Variants in CDC14A observed in about 807,000 individuals in gnomAD.
The protein encoded by CDC14A is cell division cycle 14A, also known as dual specificity protein phosphatase CDC14A.
In CDC14A, 53 loss-of-function variants were observed where a neutral mutation model predicts 74.4. The ratio of observed to expected loss-of-function variants is 0.71; its 90% CI spans 0.57 to 0.89. CDC14A has a LOEUF of 0.89. Among genes scored for constraint, CDC14A ranks in the 40% least tolerant of loss-of-function variants. The pLI is 0.00. For synonymous variants in CDC14A, 247 were observed against 258.4 expected (o/e 0.96, Z 0.43); for missense variants, 646 against 713.7 (o/e 0.91, Z 1.08).
At chr1:100,498,770 A>G (rs1463957642) in intron 14 of CDC14A, among the ~76,000 whole-genome samples, 159 bp from the exon 15 acceptor site, 1 of 152,194 alleles carries the variant, frequency 6.6e-6, no homozygotes, top group Non-Finnish European at 1.5e-5. Context: ...TCATAACACC[A>G]AGGGTGATGA....
At chr1:100,425,569 G>A (rs1662858393) in intron 5 of CDC14A, among the ~76,000 whole-genome samples, 1 of 152,124 alleles carries the variant, frequency 6.6e-6, no homozygotes, top group African/African-American at 2.4e-5. Flanking sequence ...CATGGGGAGG[G>A]AAGAAGCAAC....
At chr1:100,436,421 A>ATT (rs1168207537) in intron 5 of CDC14A, among the ~76,000 whole-genome samples, 1 of 144,318 alleles carries the variant, frequency 6.9e-6, no homozygotes. Context: ...GTTGGTTATC[A>ATT]TTTTTTTTTT....
intron 4 of CDC14A, among the ~76,000 whole-genome samples, chr1:100,409,208 G>T (rs928675902): frequency 3.3e-5 from 5 of 152,124 alleles, no homozygotes; most frequent in Admixed American, 6.5e-5. Context: ...GATCTCATGA[G>T]ATTCATTCAC....
In CDC14A at chr1:100,487,934, T is replaced by A. The variant is rs1352092587; in HGVS notation, c.1137+3483T>A. 2.6e-5 allele frequency among the ~76,000 whole-genome samples: 4 copies of A among 152,172 alleles called. No individual in the cohort carries two copies. In the South Asian group the frequency reaches 8.3e-4, roughly 31 times the overall value. Reference sequence around the variant, plus strand: ...AGGCAGAGACTTTTATTTGTCTTCATCATGATTCTGTTTTTGGCAAAAGGC... The same window carrying A: ...AGGCAGAGACTTTTATTTGTCTTCAACATGATTCTGTTTTTGGCAAAAGGC... On this transcript the variant is annotated intron_variant, in intron 11 of 15. Transcript: ENST00000336454.
At chr1:100,368,034 A>T (rs1265249928) in intron 2 of CDC14A, among the ~76,000 whole-genome samples, 1 of 152,232 alleles carries the variant, frequency 6.6e-6, no homozygotes, top group Non-Finnish European at 1.5e-5. Flanking sequence ...AAAACAGGAT[A>T]AAAATTACCA....
At chr1:100,429,384 T>G (rs2101094387) in intron 5 of CDC14A, among the ~76,000 whole-genome samples, 1 of 151,916 alleles carries the variant, frequency 6.6e-6, no homozygotes, top group South Asian at 2.1e-4. Flanking sequence ...TAGGGTAATG[T>G]GCTGACAGTA....
intron 5 of CDC14A, among the ~76,000 whole-genome samples, chr1:100,426,863 T>C (rs180683213): frequency 1.5e-3 from 236 of 152,328 alleles, no homozygotes; most frequent in Admixed American, 2.9e-3. Flanking sequence ...TTTCTAAATC[T>C]AGAATCTTCA....
chr1:100,491,548 C>A (rs4434856), intron 11 of CDC14A, among the ~76,000 whole-genome samples: 2,325 of 38,774 alleles, frequency 0.06, 142 homozygotes, highest in African/African-American at 0.12. Flanking sequence ...CTCTCTCTCT[C>A]TATATATATA....
intron 4 of CDC14A, among the ~76,000 whole-genome samples, chr1:100,401,122 T>C (rs1400851535): frequency 2.6e-5 from 4 of 152,348 alleles, no homozygotes; most frequent in Admixed American, 2.0e-4. Flanking sequence ...TGTTTCATTT[T>C]AGGTTGGTGC....
At chr1:100,498,301 G>T (rs547154960) in intron 14 of CDC14A, 94 bp downstream of exon 14, 1 of 1,405,862 alleles carries the variant, frequency 7.1e-7, no homozygotes, top group East Asian at 2.3e-5. Flanking sequence ...CAGAGGAGGG[G>T]ACAAGGGAGA....
At position 100,467,998 on chromosome 1, in the gene CDC14A, T is replaced by C. The variant is rs1440019774; in HGVS notation, c.881T>C (p.Met294Thr). 2.5e-6 allele frequency: 4 copies of C among 1,610,836 alleles called. No individual in the cohort carries two copies. Among genetic ancestry groups the C allele is most frequent in the African/African-American group, 2.7e-5 (2 of 74,648 alleles). The change falls in exon 10 of 16, where the codon ATG becomes ACG. Residue 294 changes from methionine (M) to threonine (T), a missense_variant. By Grantham distance (81) the Met-to-Thr change is moderately conservative. Transcript: ENST00000336454. The part of the protein sequence containing the change: ...RTGTLIACYV[M>T]KHYRFTHAEI... ...GGGACATTGATAGCCTGTTATGTAA[T>C]GAAACACTACAGGTTTACACATGCT...
At chr1:100,387,921 C>T (rs999271728) in intron 3 of CDC14A, among the ~76,000 whole-genome samples, 2 of 152,090 alleles carry the variant, frequency 1.3e-5, no homozygotes, top group Non-Finnish European at 2.9e-5. Flanking sequence ...AAGAACAGCA[C>T]TATAACTTGT....
chr1:100,378,981 A>G (rs990498713), intron 3 of CDC14A, among the ~76,000 whole-genome samples: 1 of 152,244 alleles, frequency 6.6e-6, no homozygotes, highest in Non-Finnish European at 1.5e-5. Flanking sequence ...CAAGAAAAGG[A>G]TAATTAATAA....
upstream of CDC14A, among the ~76,000 whole-genome samples, chr1:100,351,382 C>T (rs1650970613): frequency 6.6e-6 from 1 of 152,194 alleles, no homozygotes; most frequent in Non-Finnish European, 1.5e-5. Flanking sequence ...AGAGCGCATG[C>T]TCTTCGGATA....
intron 15 of CDC14A, 115 bp downstream of exon 15, chr1:100,499,377 T>C: frequency 6.2e-7 from 1 of 1,607,626 alleles, no homozygotes; most frequent in South Asian, 1.1e-5. Context: ...GGAAGCCTTC[T>C]GAGCGATGCC....
At chr1:100,351,389 G>C (rs897843977), upstream of CDC14A, among the ~76,000 whole-genome samples, 3 of 152,182 alleles carry the variant, frequency 2.0e-5, no homozygotes, top group East Asian at 5.8e-4. Flanking sequence ...ATGCTCTTCG[G>C]ATAGTCGGTC....
At position 100,491,548 on chromosome 1, in the gene CDC14A, C is replaced by CTCTCTATATA. The variant is rs1223420176; in HGVS notation, c.1138-3269_1138-3268insCTCTATATAT. Reference sequence around the variant, plus strand: ...TCTCTCTCTCTCTCTCTCTCTCTCTCTATATATATATATATATATATATAT... The same window carrying CTCTCTATATA: ...TCTCTCTCTCTCTCTCTCTCTCTCTCTCTCTATATATATATATATATATATATATATATAT... On this transcript the variant is annotated intron_variant, in intron 11 of 15. Transcript: ENST00000336454. 1.6e-3 allele frequency among the ~76,000 whole-genome samples: 61 copies of CTCTCTATATA among 38,746 alleles called. 1 individual carries two copies. Among genetic ancestry groups the CTCTCTATATA allele is most frequent in the Non-Finnish European group, 2.4e-3 (48 of 20,094 alleles). The allele number at this position is 38,746 out of a possible 152,430, so 25.4% of individuals were successfully genotyped here.
chr1:100,429,658 C>T (rs1663397126), intron 5 of CDC14A, among the ~76,000 whole-genome samples: 1 of 149,870 alleles, frequency 6.7e-6, no homozygotes, highest in Non-Finnish European at 1.5e-5. Context: ...AGGTTGAGAA[C>T]TCCTGCTCTG....
At chr1:100,470,682 A>G (rs1220642283) in intron 10 of CDC14A, among the ~76,000 whole-genome samples, 2 of 152,154 alleles carry the variant, frequency 1.3e-5, no homozygotes, top group Non-Finnish European at 2.9e-5. Flanking sequence ...AGAAGGTAAT[A>G]TATGTATATG....
Sources: gnomAD v4.1 joint callset for allele counts (sites outside exome capture counted in the v4.1 genomes callset) on GRCh38, gnomAD v4.1.1 for gene constraint, MANE v1.5 for transcripts, NCBI Gene and HGNC (gene_info 2026-07-23, HGNC 2026-07-21) for gene names.